The following COPA variants were observed in gnomAD, a reference collection of about 807,000 sequenced individuals.
COPA encodes the protein coat protein complex I subunit alpha.
A neutral mutation model predicts 158.7 loss-of-function variants in COPA; 10 were observed. The ratio of observed to expected loss-of-function variants is 0.06; its 90% CI spans 0.04 to 0.11. The LOEUF is 0.11. Ranked by LOEUF, COPA falls within the 10% of genes least tolerant of loss-of-function variation. COPA has a pLI of 1.00. For synonymous variants in COPA, 462 were observed against 542.8 expected (o/e 0.85, Z 2.07); for missense variants, 1,065 against 1,536.7 (o/e 0.69, Z 5.13).
At chr1:160,300,135 T>G (rs1457729638) in intron 17 of COPA, among the ~76,000 whole-genome samples, 1 of 150,520 alleles carries the variant, frequency 6.6e-6, no homozygotes, top group East Asian at 2.0e-4. Context: ...AAGCCAGGAG[T>G]TCAAGACCAG....
At chr1:160,296,024 C>A (rs1488893207) in intron 22 of COPA, 37 bp downstream of exon 22, 1 of 1,601,236 alleles carries the variant, frequency 6.2e-7, no homozygotes, top group Non-Finnish European at 8.6e-7. Flanking sequence ...TAGAGTTAAT[C>A]CTGTAATAAG....
intron 1 of COPA, among the ~76,000 whole-genome samples, chr1:160,342,549 T>C (rs1426513196): frequency 6.6e-6 from 1 of 152,196 alleles, no homozygotes; most frequent in African/African-American, 2.4e-5. Flanking sequence ...AAATTCAAAT[T>C]TAACTGGGTA....
In COPA at chr1:160,290,530, A is replaced by G. The variant is rs751280163; in HGVS notation, c.3577T>C (p.Ser1193Pro). 6.2e-7 allele frequency: 1 copy of G among 1,614,192 alleles called. No individual in the cohort carries two copies. The highest frequency in any genetic ancestry group is 8.5e-7 in the Non-Finnish European group (1 of 1,180,026). ...EKCPLSGACYSPEFKGQICRV... is the reference protein window; with the variant it reads ...EKCPLSGACYPPEFKGQICRV... ...CAGATTTGACCTTTGAACTCAGGGG[A>G]ATAGCAGGCCCCACTGAGTGGACAC... Residue 1193 changes from serine (S) to proline (P), a missense_variant, in exon 32 of 33, where the codon TCC (serine) becomes CCC (proline). Physicochemically the swap from Ser to Pro is moderately conservative, Grantham distance 74 (BLOSUM62 -1). This residue lies in a region of COPA where 980 missense variants were observed against 1,357.8 expected (regional missense o/e 0.72). Coordinates refer to ENST00000241704, the MANE Select transcript of COPA (RefSeq NM_004371.4).
At chr1:160,290,770 C>A in intron 31 of COPA, 84 bp from the exon 32 acceptor site, 1 of 1,308,698 alleles carries the variant, frequency 7.6e-7, no homozygotes, top group South Asian at 1.3e-5. Flanking sequence ...TTGGTAGTTC[C>A]GTTGATGTGA....
At chr1:160,329,135 T>C (rs548853194) in intron 6 of COPA, among the ~76,000 whole-genome samples, 1 of 152,334 alleles carries the variant, frequency 6.6e-6, no homozygotes, top group South Asian at 2.1e-4. Flanking sequence ...TGCTGATTTC[T>C]AGAGAAGGAA....
intron 3 of COPA, 126 bp downstream of exon 3, chr1:160,339,783 G>A (rs545822828): frequency 1.8e-5 from 14 of 766,002 alleles, no homozygotes; most frequent in South Asian, 9.0e-5. Flanking sequence ...TAAGTTCTCC[G>A]GATAATGTTG....
rs778904236 is a variant in COPA at position 160,294,505 on chromosome 1, ATCT to A, written c.2652_2654del (p.Glu884del). The A allele has an allele frequency of 1.4e-5, 23 of 1,614,028 alleles. No homozygotes were observed. In the Admixed American group the frequency reaches 2.7e-4, roughly 19 times the overall value. The stretch of plus-strand genomic sequence containing the variant: ...ATACCAGCTCAGGAGGGAGCTCCAG[ATCT>A]TCTTCTACATCCCAGCCACCTCCTT... On this transcript the variant is annotated inframe_deletion, in exon 25 of 33. Transcript: ENST00000241704.
At chr1:160,313,805 T>C (rs1231690639) in intron 9 of COPA, among the ~76,000 whole-genome samples, 185 bp downstream of exon 9, 5 of 152,142 alleles carry the variant, frequency 3.3e-5, no homozygotes, top group Admixed American at 2.0e-4. Context: ...ATAATATACA[T>C]GGAGATTTCT....
In COPA at chr1:160,292,048, T is replaced by A; in HGVS notation, c.3111A>T (p.Pro1037=). 1.2e-6 allele frequency: 2 copies of A among 1,614,214 alleles called. No homozygotes were observed. Among genetic ancestry groups the A allele is most frequent in the Non-Finnish European group, 1.7e-6 (2 of 1,180,032 alleles). The change falls in exon 29 of 33, where the codon CCA becomes CCT. Residue 1037 remains proline, a synonymous_variant. Coordinates refer to ENST00000241704, the MANE Select transcript of COPA (RefSeq NM_004371.4). ...CTTGTTTATTGTCCACAACAAGAAG[T>A]GGCACACTGAGAAGGATGGAACGGA... ...EKFRSILLSV[P]LLVVDNKQEI... is the part of the protein sequence containing the mutation.
chr1:160,308,136 A>G (rs1261971534), intron 13 of COPA, among the ~76,000 whole-genome samples: 3 of 152,102 alleles, frequency 2.0e-5, no homozygotes, highest in African/African-American at 7.2e-5. Flanking sequence ...TAATAAAACA[A>G]AACAAAATAT....
chr1:160,294,951 G>A, intron 23 of COPA, 94 bp from the exon 24 acceptor site: 1 of 974,250 alleles, frequency 1.0e-6, no homozygotes, highest in Admixed American at 2.2e-5. Context: ...TTCAAAAACA[G>A]GTGCCAAGCT....
chr1:160,322,497 G>A (rs1659358714), intron 8 of COPA, among the ~76,000 whole-genome samples: 1 of 152,110 alleles, frequency 6.6e-6, no homozygotes, highest in African/African-American at 2.4e-5. Flanking sequence ...AAACATTGGG[G>A]AAATGTCCCA....
intron 14 of COPA, 122 bp downstream of exon 14, chr1:160,307,041 C>T (rs1320299194): frequency 1.1e-6 from 1 of 921,888 alleles, no homozygotes; most frequent in South Asian, 1.4e-5. Context: ...GAGGTACAGC[C>T]AATACATGAG....
At chr1:160,293,523 C>A in intron 25 of COPA, 60 bp from the exon 26 acceptor site, 1 of 1,269,870 alleles carries the variant, frequency 7.9e-7, no homozygotes, top group South Asian at 1.4e-5. Flanking sequence ...GAGACAGGGT[C>A]ACACTCTGTC....
intron 17 of COPA, 52 bp from the exon 18 acceptor site, chr1:160,299,316 T>C: frequency 6.5e-7 from 1 of 1,545,692 alleles, no homozygotes; most frequent in Non-Finnish European, 8.8e-7. Flanking sequence ...ATCCATCCTG[T>C]GAAGAAACGG....
At chr1:160,318,495 A>AAAAAAAAAG in intron 8 of COPA, among the ~76,000 whole-genome samples, 1 of 139,128 alleles carries the variant, frequency 7.2e-6, no homozygotes, top group Non-Finnish European at 1.5e-5. Flanking sequence ...AAAAAAACAA[A>AAAAAAAAAG]AAAAAAAAAA....
At chr1:160,333,771 T>G in intron 4 of COPA, 92 bp from the exon 5 acceptor site, 1 of 974,388 alleles carries the variant, frequency 1.0e-6, no homozygotes, top group Non-Finnish European at 1.6e-6. Flanking sequence ...ACTGCATTGC[T>G]TAACGGCTCA....
intron 6 of COPA, 69 bp from the exon 7 acceptor site, chr1:160,325,721 AAC>A (rs1659470987): frequency 1.8e-6 from 2 of 1,101,046 alleles, no homozygotes; most frequent in South Asian, 1.3e-5. Flanking sequence ...CAGTATCAGA[AAC>A]ACAGAAATTA....
chr1:160,313,884 G>T (rs758700132), intron 9 of COPA, 106 bp downstream of exon 9: 29 of 1,081,262 alleles, frequency 2.7e-5, no homozygotes, highest in Non-Finnish European at 3.5e-5. Context: ...TATATGATTT[G>T]ATTTGTCTAC....
Sources: gnomAD v4.1 joint callset for allele counts (sites outside exome capture counted in the v4.1 genomes callset) on GRCh38, gnomAD v4.1.1 for gene constraint, gnomAD v4.1.1 regional missense constraint, MANE v1.5 for transcripts, NCBI Gene and HGNC (gene_info 2026-07-23, HGNC 2026-07-21) for gene names.